The following CALHM1 variants were observed in gnomAD, a reference collection of about 807,000 sequenced individuals.
CALHM1 encodes calcium homeostasis modulator protein 1.
A neutral mutation model predicts 14.8 loss-of-function variants in CALHM1; 11 were observed. The observed-to-expected ratio is 0.74, with a 90% CI of 0.47 to 1.23. The LOEUF (loss-of-function observed/expected upper bound fraction) is 1.23. Among genes scored for constraint, CALHM1 ranks in the 50% most tolerant of loss-of-function variants. The probability of loss-of-function intolerance (pLI) is 0.00; values close to 1 mark genes in which losing one functional copy is unlikely to be tolerated. For synonymous variants in CALHM1, 215 were observed against 218.9 expected (o/e 0.98, Z 0.16); for missense variants, 458 against 496.4 (o/e 0.92, Z 0.74).
Position 103,458,181 on chromosome 10 carries a change from C to T in CALHM1, c.555+16G>A, listed in dbSNP as rs1459315195. 2 of 1,611,276 alleles carry T rather than the reference C, an allele frequency of 1.2e-6. No homozygotes were observed. Among genetic ancestry groups the T allele is most frequent in the Non-Finnish European group, 8.5e-7 (1 of 1,179,560 alleles). On this transcript the variant is annotated intron_variant, in intron 1 of 1. Coordinates refer to ENST00000329905, the MANE Select transcript of CALHM1 (RefSeq NM_001001412.4). The surrounding 1 kb of genome is among the most constrained non-coding windows in gnomAD (Gnocchi z 4.9). ...TCTGCCAGGGAGACCCAGCGTGAAG[C>T]CATGCGGCCCCTCACCTGGGAGATG...
Position 103,455,224 on chromosome 10 carries a change from C to T in CALHM1, c.*38G>A. 1 of 1,529,652 alleles carries T rather than the reference C, an allele frequency of 6.5e-7. No homozygotes were observed. Among genetic ancestry groups the T allele is most frequent in the African/African-American group, 1.4e-5 (1 of 72,934 alleles). 94.8% of individuals were successfully genotyped at this position (1,529,652 alleles called of 1,614,324 possible). On this transcript the variant is annotated 3_prime_UTR_variant, in exon 2 of 2. Transcript: ENST00000329905. ...GTTTGGGGGTTGGAGGGGCTGTGGG[C>T]TCAGATCCCCGTTCCTGCCTCTTCA...
rs755567358 is a variant in CALHM1, at chr10:103,455,475, G to A, written c.828C>T (p.Ala276=). The A allele has an allele frequency of 5.0e-6, 8 of 1,613,482 alleles. No individual in the cohort carries two copies. Among genetic ancestry groups the A allele is most frequent in the Non-Finnish European group, 6.8e-6 (8 of 1,179,902 alleles). ...TLATAPASAA[A]PTTPDGAEEE... ...CCTCCGCACCATCGGGGGTCGTGGG[G>A]GCAGCTGCGGAAGCAGGGGCCGTGG... Residue 276 remains alanine, a synonymous_variant, in exon 2 of 2, where the codon GCC becomes GCT. Coordinates refer to ENST00000329905, the MANE Select transcript of CALHM1 (RefSeq NM_001001412.4).
intron 1 of CALHM1, among the ~76,000 whole-genome samples, chr10:103,457,410 G>A: frequency 6.6e-6 from 1 of 152,262 alleles, no homozygotes. Flanking sequence ...CCAGGAGAGA[G>A]GCCCCTGCTA....
Position 103,458,182 on chromosome 10 carries a change from CATGCGGCCCCTCACCTGGGAG to C in CALHM1, c.549_555+14del, listed in dbSNP as rs769018551. ...CTGCCAGGGAGACCCAGCGTGAAGC[CATGCGGCCCCTCACCTGGGAG>C]ATGCAGCGGAGGTAACGCACGGCCA... On this transcript the variant is annotated splice_donor_variant and splice_donor_5th_base_variant and coding_sequence_variant and intron_variant, in exon 1 of 2. Transcript: ENST00000329905. LOFTEE classifies it high-confidence loss of function. This position sits in a 1 kb window ranked among gnomAD's most constrained non-coding sequence, Gnocchi z 4.9. The C allele has an allele frequency of 6.2e-7, 1 of 1,611,506 alleles. No homozygotes were observed. The highest frequency in any genetic ancestry group is 8.5e-7 in the Non-Finnish European group (1 of 1,179,632).
rs2986017 is a variant in CALHM1 at position 103,458,495 on chromosome 10, A to G, written c.257T>C (p.Leu86Pro). ...SMLAEEWKRP[L>P]GRRAKDPAVL... ...AGCGGGGTCCTTGGCCCGGCGGCCCAGCGGCCGCTTCCACTCTTCGGCCAG... is the reference window on the plus strand; with the variant it reads ...AGCGGGGTCCTTGGCCCGGCGGCCCGGCGGCCGCTTCCACTCTTCGGCCAG... The change falls in exon 1 of 2, where the codon CTG becomes CCG. Residue 86 changes from leucine (L) to proline (P), a missense_variant. By Grantham distance (98) the Leu-to-Pro change is moderately conservative (BLOSUM62 -3). Coordinates refer to ENST00000329905, the MANE Select transcript of CALHM1 (RefSeq NM_001001412.4). The surrounding 1 kb of genome is among the most constrained non-coding windows in gnomAD (Gnocchi z 4.9). 1,221,376 of 1,612,874 alleles carry G rather than the reference A, an allele frequency of 0.76. 466,030 individuals carry two copies. Among genetic ancestry groups the G allele is most frequent in the African/African-American group, 0.93 (69,937 of 75,036 alleles).
In CALHM1 at chr10:103,455,279, A is replaced by G. The variant is rs1296796627; in HGVS notation, c.1024T>C (p.Tyr342His). The change falls in exon 2 of 2, where the codon TAC becomes CAC. Residue 342 changes from tyrosine (Y) to histidine (H), a missense_variant. Physicochemically the swap from Tyr to His is moderately conservative, Grantham distance 83. Transcript: ENST00000329905. ...GCCACACCTCACACTTTGCTGAAGT[A>G]GGTGGCCACCTCCTTACGCGGAGGC... Reference protein sequence around the residue: ...PRPPRKEVATYFSKV With the variant: ...PRPPRKEVATHFSKV 1.2e-6 allele frequency: 2 copies of G among 1,607,170 alleles called. No individual in the cohort carries two copies. The highest frequency in any genetic ancestry group is 1.3e-5 in the African/African-American group (1 of 74,938).
Position 103,458,472 on chromosome 10 carries a change from C to A in CALHM1, c.280G>T (p.Ala94Ser), listed in dbSNP as rs762591802. The stretch of plus-strand genomic sequence containing the variant: ...GAGCAGAACATGTAGCGCAACACAG[C>A]GGGGTCCTTGGCCCGGCGGCCCAGC... ...RPLGRRAKDPAVLRYMFCSMA... is the reference protein window; with the variant it reads ...RPLGRRAKDPSVLRYMFCSMA... Residue 94 changes from alanine (A) to serine (S), a missense_variant, in exon 1 of 2, where the codon GCT (alanine) becomes TCT (serine). By Grantham distance (99) the Ala-to-Ser change is moderately conservative. Transcript: ENST00000329905. This position sits in a 1 kb window ranked among gnomAD's most constrained non-coding sequence, Gnocchi z 4.9. 1 of 1,613,202 alleles carries A rather than the reference C, an allele frequency of 6.2e-7. No homozygotes were observed. The highest frequency in any genetic ancestry group is 1.7e-5 in the Admixed American group (1 of 60,014).
At chr10:103,456,490 C>T (rs1444186114) in intron 1 of CALHM1, among the ~76,000 whole-genome samples, 2 of 152,246 alleles carry the variant, frequency 1.3e-5, no homozygotes, top group African/African-American at 4.8e-5. Flanking sequence ...TGCTCTGTCA[C>T]CTCACTGCAG....
chr10:103,458,774 C>G lies in CALHM1; in HGVS notation c.-23G>C, dbSNP rs2033189637. ...CATGCCCGCTGTGGGGCCCGGCCTC[C>G]TCTTCCCAACTCACTGCTGCCTCCA... On this transcript the variant is annotated 5_prime_UTR_variant, in exon 1 of 2. Transcript: ENST00000329905. This position sits in a 1 kb window ranked among gnomAD's most constrained non-coding sequence, Gnocchi z 4.9. 3 of 1,571,460 alleles carry G rather than the reference C, an allele frequency of 1.9e-6. No individual in the cohort carries two copies. In the South Asian group the frequency reaches 3.6e-5, roughly 19 times the overall value.
At position 103,455,125 on chromosome 10, in the gene CALHM1, AGGCGAGTGCTAGGGAGTGT is replaced by A. The variant is rs1254620207; in HGVS notation, c.*118_*136del. The A allele has an allele frequency of 4.7e-6, 6 of 1,279,176 alleles. No individual in the cohort carries two copies. The highest frequency in any genetic ancestry group is 6.3e-6 in the Non-Finnish European group (6 of 956,060). The allele number at this position is 1,279,176 out of a possible 1,614,324, so 79.2% of individuals were successfully genotyped here. On this transcript the variant is annotated 3_prime_UTR_variant, in exon 2 of 2. Transcript: ENST00000329905. ...TCCAAATTTCCTGCCTCCAATGGGC[AGGCGAGTGCTAGGGAGTGT>A]GGATCTGCCTAGGGGAGTACTGCCC...
chr10:103,457,489 C>T (rs2033163800), intron 1 of CALHM1, among the ~76,000 whole-genome samples: 1 of 152,208 alleles, frequency 6.6e-6, no homozygotes, highest in East Asian at 1.9e-4. Flanking sequence ...CCTTGCAGAG[C>T]AGGCTGGCCC....
rs371141717 is a variant in CALHM1 at position 103,455,414 on chromosome 10, C to T, written c.889G>A (p.Gly297Ser). 4.3e-6 allele frequency: 7 copies of T among 1,614,064 alleles called. No homozygotes were observed. Among genetic ancestry groups the T allele is most frequent in the Non-Finnish European group, 4.2e-6 (5 of 1,180,052 alleles). The change falls in exon 2 of 2, where the codon GGC (glycine) becomes AGC (serine). Residue 297 changes from glycine (G) to serine (S), a missense_variant. Gly to Ser is a moderately conservative substitution (Grantham distance 56, BLOSUM62 0). Transcript: ENST00000329905. ...REKLRGITDQ[G>S]TMNRLLTSWH... is the part of the protein sequence containing the mutation. ...CTCGTGAGCAGCCTGTTCATGGTGC[C>T]TTGATCCGTGATGCCACGCAGCTTC... is the stretch of plus-strand genomic sequence containing the variant.
Position 103,455,186 on chromosome 10 carries a change from C to A in CALHM1, c.*76G>T. ...GTACTGCCCAGCACTGAAACCCTTC[C>A]TTTTTCCACCTGGTTTGGGGGTTGG... On this transcript the variant is annotated 3_prime_UTR_variant, in exon 2 of 2. Transcript: ENST00000329905. 6.7e-7 allele frequency: 1 copy of A among 1,482,120 alleles called. No individual in the cohort carries two copies. Among genetic ancestry groups the A allele is most frequent in the Non-Finnish European group, 9.0e-7 (1 of 1,115,328 alleles). The allele number at this position is 1,482,120 out of a possible 1,614,324, so 91.8% of individuals were successfully genotyped here. A position where few individuals can be genotyped will look rare whatever the true frequency, so the allele number is the denominator to read the frequency against.
chr10:103,458,758 T>C lies in CALHM1; in HGVS notation c.-7A>G, dbSNP rs777737628. The C allele has an allele frequency of 1.0e-5, 16 of 1,596,294 alleles. No individual in the cohort carries two copies. The Admixed American group carries it at 2.5e-4, about 25-fold the overall frequency. On this transcript the variant is annotated 5_prime_UTR_variant, in exon 1 of 2. Coordinates refer to ENST00000329905, the MANE Select transcript of CALHM1 (RefSeq NM_001001412.4). This position sits in a 1 kb window ranked among gnomAD's most constrained non-coding sequence, Gnocchi z 4.9. The stretch of plus-strand genomic sequence containing the variant: ...TCCGGAACTTGTCCATCATGCCCGC[T>C]GTGGGGCCCGGCCTCCTCTTCCCAA...
At chr10:103,457,596 C>G (rs146030505) in intron 1 of CALHM1, among the ~76,000 whole-genome samples, 2 of 152,290 alleles carry the variant, frequency 1.3e-5, no homozygotes, top group East Asian at 1.9e-4. Context: ...GGAGAAGGCC[C>G]GAGAGGCTTG....
rs1344277946 is a variant in CALHM1, at chr10:103,453,414, C to CTTATTA, written c.*1847_*1848insTAATAA. The CTTATTA allele has an allele frequency of 9.1e-6, 1 of 109,816 alleles. No individual in the cohort carries two copies. Among genetic ancestry groups the CTTATTA allele is most frequent in the Non-Finnish European group, 2.0e-5 (1 of 50,732 alleles). The allele number at this position is 109,816 out of a possible 1,614,324, so 6.8% of individuals were successfully genotyped here. ...AATTATAAATCTTCTCTTTATTCTTCTTCTTCTTCTTATTATTATTATTAC... is the reference window on the plus strand; with the variant it reads ...AATTATAAATCTTCTCTTTATTCTTCTTATTATTCTTCTTCTTATTATTATTATTAC... On this transcript the variant is annotated 3_prime_UTR_variant, in exon 2 of 2. Coordinates refer to ENST00000329905, the MANE Select transcript of CALHM1 (RefSeq NM_001001412.4).
At chr10:103,456,584 G>A (rs2033152935) in intron 1 of CALHM1, among the ~76,000 whole-genome samples, 1 of 152,234 alleles carries the variant, frequency 6.6e-6, no homozygotes, top group African/African-American at 2.4e-5. Context: ...GATCAGGACT[G>A]GGGCTGAGGG....
chr10:103,455,242 C>A lies in CALHM1; in HGVS notation c.*20G>T, dbSNP rs749982537. 1.3e-6 allele frequency: 2 copies of A among 1,560,502 alleles called. No individual in the cohort carries two copies. The highest frequency in any genetic ancestry group is 1.7e-6 in the Non-Finnish European group (2 of 1,152,742). On this transcript the variant is annotated 3_prime_UTR_variant, in exon 2 of 2. Transcript: ENST00000329905. ...CTGTGGGCTCAGATCCCCGTTCCTG[C>A]CTCTTCAGCTGGCCACACCTCACAC...
At chr10:103,456,976 T>G (rs2033158160) in intron 1 of CALHM1, among the ~76,000 whole-genome samples, 1 of 152,122 alleles carries the variant, frequency 6.6e-6, no homozygotes, top group African/African-American at 2.4e-5. Context: ...TTCTTTTCTT[T>G]TTTGGAGACA....
Sources: gnomAD v4.1 joint callset for allele counts (sites outside exome capture counted in the v4.1 genomes callset) on GRCh38, gnomAD v4.1.1 for gene constraint, Gnocchi (gnomAD v3.1) non-coding constraint, MANE v1.5 for transcripts, NCBI Gene and HGNC (gene_info 2026-07-23, HGNC 2026-07-21) for gene names.